The following ABCC4 variants were observed in gnomAD, a reference collection of about 807,000 sequenced individuals.
The protein encoded by ABCC4 is ATP binding cassette subfamily C member 4 (PEL blood group).
A neutral mutation model predicts 168.5 loss-of-function variants in ABCC4; 102 were observed. That is an observed-to-expected ratio of 0.61 (90% CI 0.52 to 0.71). The LOEUF is 0.71. Ranked by LOEUF, ABCC4 falls within the 30% of genes least tolerant of loss-of-function variation. ABCC4 has a pLI of 0.00. For missense variants in ABCC4, 1,402 were observed against 1,605.8 expected, an observed-to-expected ratio of 0.87 and a Z score of 2.17; for synonymous variants, 617 against 590.7, an observed-to-expected ratio of 1.04 and a Z score of -0.65.
At chr13:95,168,665 A>C (rs1356306422) in intron 14 of ABCC4, among the ~76,000 whole-genome samples, 1 of 152,142 alleles carries the variant, frequency 6.6e-6, no homozygotes, top group Non-Finnish European at 1.5e-5. Context: ...CGGGTTTCAG[A>C]CCCACAATCA....
intron 8 of ABCC4, among the ~76,000 whole-genome samples, chr13:95,204,095 TA>T (rs1287182449): frequency 6.6e-6 from 1 of 152,092 alleles, no homozygotes; most frequent in African/African-American, 2.4e-5. Context: ...AGCATTTGCT[TA>T]AATCAAGGAC....
At chr13:95,145,616 C>CAA (rs1233444198) in intron 19 of ABCC4, among the ~76,000 whole-genome samples, 1,033 of 97,044 alleles carry the variant, frequency 0.011, 27 homozygotes, top group African/African-American at 0.033. Flanking sequence ...ACCCCATCTC[C>CAA]AAAAAAAAAA....
intron 2 of ABCC4, 41 bp downstream of exon 2, chr13:95,247,602 C>A (rs1417176590): frequency 2.0e-6 from 3 of 1,504,658 alleles, no homozygotes; most frequent in Non-Finnish European, 2.8e-6. Flanking sequence ...CACACAGACA[C>A]CCACGCTTCC....
At chr13:95,215,712 T>C (rs1238154327) in intron 4 of ABCC4, among the ~76,000 whole-genome samples, 1 of 152,222 alleles carries the variant, frequency 6.6e-6, no homozygotes, top group Non-Finnish European at 1.5e-5. Context: ...TCAAAATATC[T>C]GAATATTAAC....
intron 8 of ABCC4, among the ~76,000 whole-genome samples, chr13:95,197,899 C>T (rs571366904): frequency 1.3e-5 from 2 of 152,112 alleles, no homozygotes; most frequent in South Asian, 4.2e-4. Flanking sequence ...CTAAAAACTT[C>T]GCAATAAAAC....
chr13:95,176,066 A>G (rs1000932828), intron 13 of ABCC4, among the ~76,000 whole-genome samples: 5 of 151,662 alleles, frequency 3.3e-5, no homozygotes, highest in Non-Finnish European at 7.4e-5. Flanking sequence ...ACAAACCCTT[A>G]CCAGCCTGCA....
intron 4 of ABCC4, among the ~76,000 whole-genome samples, chr13:95,232,549 T>C (rs1050616223): frequency 6.6e-6 from 1 of 151,816 alleles, no homozygotes; most frequent in Non-Finnish European, 1.5e-5. Flanking sequence ...TGGTGGCCCA[T>C]GTCCATAATC....
intron 2 of ABCC4, 145 bp from the exon 3 acceptor site, chr13:95,247,240 G>A (rs189432021): frequency 3.2e-6 from 3 of 929,222 alleles, no homozygotes; most frequent in Non-Finnish European, 4.8e-6. Flanking sequence ...CAGGGCTCCT[G>A]AAGGTTATGT....
At position 95,166,288 on chromosome 13, in the gene ABCC4, T is replaced by C. The variant is rs758110992; in HGVS notation, c.1904A>G (p.Asn635Ser). The change falls in exon 15 of 31, where the codon AAT becomes AGT. Residue 635 changes from asparagine to serine, a missense_variant. This residue lies in a region of ABCC4 where 1,007 missense variants were observed against 1,127.3 expected (regional missense o/e 0.89). Coordinates refer to ENST00000645237, the MANE Select transcript of ABCC4 (RefSeq NM_005845.5). ...AACTGGAGGTTGTTCACTTTCCTCATTATCCTTCTTTAAAAGGGAGCCAAA... is the reference window on the plus strand; with the variant it reads ...AACTGGAGGTTGTTCACTTTCCTCACTATCCTTCTTTAAAAGGGAGCCAAA... ...IDFGSLLKKD[N>S]EESEQPPVPG... 2 of 1,614,092 alleles carry C rather than the reference T, an allele frequency of 1.2e-6. No individual in the cohort carries two copies. The highest frequency in any genetic ancestry group is 1.7e-6 in the Non-Finnish European group (2 of 1,180,012).
intron 20 of ABCC4, among the ~76,000 whole-genome samples, chr13:95,090,181 C>T (rs535680756): frequency 2.0e-5 from 3 of 152,252 alleles, no homozygotes; most frequent in South Asian, 2.1e-4. Context: ...TCCTTCCCTA[C>T]GCACTGTGGT....
chr13:95,185,131 G>A (rs1340684521), intron 11 of ABCC4, among the ~76,000 whole-genome samples: 2 of 152,074 alleles, frequency 1.3e-5, no homozygotes, highest in African/African-American at 2.4e-5. Context: ...AAAAAGCGAG[G>A]CTAGCAATAT....
At chr13:95,050,545 T>C (rs1258069373) in intron 27 of ABCC4, among the ~76,000 whole-genome samples, 1 of 152,196 alleles carries the variant, frequency 6.6e-6, no homozygotes, top group Non-Finnish European at 1.5e-5. Flanking sequence ...ATAAGAATGA[T>C]TAAAAACAGC....
chr13:95,105,921 C>G (rs1302561934), intron 20 of ABCC4, among the ~76,000 whole-genome samples: 2 of 152,180 alleles, frequency 1.3e-5, no homozygotes, highest in African/African-American at 2.4e-5. Context: ...AGGAAGCAAC[C>G]AGGCACAACT....
intron 3 of ABCC4, among the ~76,000 whole-genome samples, chr13:95,238,889 A>G (rs2039852195): frequency 6.6e-6 from 1 of 152,178 alleles, no homozygotes; most frequent in African/African-American, 2.4e-5. Context: ...AGGGCTTTTA[A>G]TCAGAACTGC....
At chr13:95,225,881 T>C (rs1277389842) in intron 4 of ABCC4, among the ~76,000 whole-genome samples, 7 of 146,310 alleles carry the variant, frequency 4.8e-5, no homozygotes, top group Non-Finnish European at 8.9e-5. Context: ...ATGCCTGTAA[T>C]CCCAACACTT....
chr13:95,155,235 T>G (rs1277348794), intron 19 of ABCC4, among the ~76,000 whole-genome samples: 1 of 151,344 alleles, frequency 6.6e-6, no homozygotes, highest in East Asian at 1.9e-4. Flanking sequence ...TGGAGACAGG[T>G]TGGAGTGCAG....
intron 3 of ABCC4, among the ~76,000 whole-genome samples, chr13:95,239,723 A>G (rs2138776973): frequency 6.6e-6 from 1 of 152,290 alleles, no homozygotes; most frequent in Admixed American, 6.5e-5. Context: ...ACTCCACAGG[A>G]AAATGCTGGA....
At chr13:95,273,505 A>G (rs2040894126) in intron 1 of ABCC4, among the ~76,000 whole-genome samples, 1 of 152,112 alleles carries the variant, frequency 6.6e-6, no homozygotes, top group African/African-American at 2.4e-5. Flanking sequence ...AATACAGCAA[A>G]GTTAAAATTA....
chr13:95,257,405 C>T (rs1014001604), intron 1 of ABCC4, among the ~76,000 whole-genome samples: 4 of 152,138 alleles, frequency 2.6e-5, no homozygotes, highest in Admixed American at 6.5e-5. Context: ...GCGCAGCACA[C>T]GCCTGTAATC....
Sources: allele counts gnomAD v4.1 joint callset (sites outside exome capture counted in the v4.1 genomes callset), GRCh38; gene constraint gnomAD v4.1.1; regional missense constraint gnomAD v4.1.1; transcripts MANE v1.5; gene names NCBI Gene and HGNC (gene_info 2026-07-23, HGNC 2026-07-21).